BRI3BP: variants seen among roughly 807,000 people sequenced by gnomAD.
BRI3BP encodes the protein BRI3 binding protein.
In BRI3BP, 7 loss-of-function variants were observed where a neutral mutation model predicts 15.8. That is an observed-to-expected ratio of 0.44 (90% CI 0.25 to 0.83). The LOEUF (loss-of-function observed/expected upper bound fraction) is 0.83, where lower values mean the gene tolerates loss of function less well. Ranked by LOEUF, BRI3BP falls within the 40% of genes least tolerant of loss-of-function variation. The probability of loss-of-function intolerance (pLI) is 0.20; values close to 1 mark genes in which losing one functional copy is unlikely to be tolerated. For missense variants in BRI3BP, 320 were observed against 339.3 expected (o/e 0.94, Z 0.45); for synonymous variants, 192 against 163.5 (o/e 1.17, Z -1.33).
At chr12:124,996,601 C>T (rs778489028) in intron 1 of BRI3BP, among the ~76,000 whole-genome samples, 2 of 152,136 alleles carry the variant, frequency 1.3e-5, no homozygotes, top group African/African-American at 2.4e-5. Context: ...GCTGGGATTA[C>T]AGGCGTAAGC....
chr12:125,033,204 CAGAT>C (rs202034947), downstream of BRI3BP, among the ~76,000 whole-genome samples: 1,249 of 152,246 alleles, frequency 8.2e-3, 9 homozygotes, highest in Middle Eastern at 0.034. Context: ...GCTTCCCAAA[CAGAT>C]AGCTGCCTAC....
intron 1 of BRI3BP, among the ~76,000 whole-genome samples, chr12:125,003,380 C>G (rs1253705722): frequency 6.6e-6 from 1 of 152,152 alleles, no homozygotes; most frequent in East Asian, 1.9e-4. Flanking sequence ...CCTTGTTTGT[C>G]TGAGTCCTCA....
chr12:125,047,153 C>T, the BRI3BP span, among the ~76,000 whole-genome samples: 1 of 147,042 alleles, frequency 6.8e-6, no homozygotes, highest in African/African-American at 2.5e-5. Flanking sequence ...TTTCTTTACT[C>T]TTTTTTTTTT....
the BRI3BP span, among the ~76,000 whole-genome samples, chr12:125,039,080 G>A: frequency 0.78 from 118,235 of 152,140 alleles, 46,055 homozygotes; most frequent in South Asian, 0.85. Flanking sequence ...ACAGAGCACA[G>A]TTCCATCTCA....
intron 2 of BRI3BP, among the ~76,000 whole-genome samples, chr12:125,023,555 AGTTGT>A (rs1413493900): frequency 6.6e-6 from 1 of 152,092 alleles, no homozygotes; most frequent in African/African-American, 2.4e-5. Flanking sequence ...AAAAGGTGAA[AGTTGT>A]CTTTTGAGAC....
In BRI3BP at chr12:125,016,825, C is replaced by CTTTTTTTTTTTTTTTTT. The variant is rs58016016; in HGVS notation, c.316+4200_316+4216dup. Among the ~76,000 whole-genome samples, 21 of 39,808 alleles carry CTTTTTTTTTTTTTTTTT rather than the reference C, an allele frequency of 5.3e-4. 3 individuals are homozygous for CTTTTTTTTTTTTTTTTT. The highest frequency in any genetic ancestry group is 2.1e-3 in the South Asian group (1 of 476). The allele number at this position is 39,808 out of a possible 152,430, so 26.1% of individuals were successfully genotyped here. A position where few individuals can be genotyped will look rare whatever the true frequency, so the allele number is the denominator to read the frequency against. The stretch of plus-strand genomic sequence containing the variant: ...ACGGGCATGAGCCACTGCGCCCAGC[C>CTTTTTTTTTTTTTTTTT]TTTTTTTTTTTTTTTTTTTTTTTTT... On this transcript the variant is annotated intron_variant, in intron 2 of 2. Coordinates refer to ENST00000341446, the MANE Select transcript of BRI3BP (RefSeq NM_080626.6).
Position 125,012,537 on chromosome 12 carries a change from T to C in BRI3BP, c.217T>C (p.Leu73=), listed in dbSNP as rs1955205297. Residue 73 remains leucine, a synonymous_variant, in exon 2 of 3, where the codon TTG becomes CTG. Coordinates refer to ENST00000341446, the MANE Select transcript of BRI3BP (RefSeq NM_080626.6). Reference sequence around the variant, plus strand: ...GACCGTTTTCTTGTTTCTGCAGTTCTTGGCCAGGCTGACTGAGAGATTTGT... The same window carrying C: ...GACCGTTTTCTTGTTTCTGCAGTTCCTGGCCAGGCTGACTGAGAGATTTGT... The part of the protein sequence containing the change: ...EDNVRAAQKF[L]ARLTERFVLG... 1 of 1,606,692 alleles carries C rather than the reference T, an allele frequency of 6.2e-7. No individual in the cohort carries two copies. Among genetic ancestry groups the C allele is most frequent in the African/African-American group, 1.3e-5 (1 of 74,880 alleles).
At chr12:125,033,246 G>T (rs73419956), downstream of BRI3BP, among the ~76,000 whole-genome samples, 1,905 of 152,224 alleles carry the variant, frequency 0.013, 36 homozygotes, top group African/African-American at 0.043. Flanking sequence ...GTAGATTTGG[G>T]CTGGGTGTAG....
intron 1 of BRI3BP, among the ~76,000 whole-genome samples, chr12:125,003,406 C>T (rs933333656): frequency 1.3e-5 from 2 of 152,154 alleles, no homozygotes; most frequent in African/African-American, 4.8e-5. Context: ...CCACAGTTTG[C>T]TCACCTGGTC....
the BRI3BP span, among the ~76,000 whole-genome samples, chr12:125,040,830 G>A: frequency 3.4e-5 from 5 of 145,454 alleles, no homozygotes; most frequent in African/African-American, 5.1e-5. Context: ...TCCCAGATTC[G>A]AGTGAGTCTC....
At chr12:125,010,519 C>G (rs4765016) in intron 1 of BRI3BP, among the ~76,000 whole-genome samples, 38,403 of 152,122 alleles carry the variant, frequency 0.25, 4,926 homozygotes, top group Non-Finnish European at 0.27. Flanking sequence ...TGGCTCATGC[C>G]TGTAATCCCA....
intron 1 of BRI3BP, among the ~76,000 whole-genome samples, chr12:125,007,712 CCT>C (rs755099262): frequency 6.9e-4 from 104 of 150,572 alleles, no homozygotes; most frequent in Non-Finnish European, 1.3e-3. Context: ...AGAGCAAGAC[CCT>C]GTCTCCAAAA....
chr12:124,995,095 A>G (rs1955029458), intron 1 of BRI3BP, among the ~76,000 whole-genome samples: 1 of 152,206 alleles, frequency 6.6e-6, no homozygotes, highest in African/African-American at 2.4e-5. Context: ...CCGAAATCAG[A>G]TTGACTGCAT....
Position 124,993,769 on chromosome 12 carries a change from C to T in BRI3BP, c.-22C>T, listed in dbSNP as rs1178656378. 9.7e-5 allele frequency: 98 copies of T among 1,005,840 alleles called. No homozygotes were observed. Among genetic ancestry groups the T allele is most frequent in the Non-Finnish European group, 1.1e-4 (97 of 845,854 alleles). 62.3% of individuals were successfully genotyped at this position (1,005,840 alleles called of 1,614,324 possible). ...GCACGGCCCTCACCCCGCATCGCGA[C>T]CCCGCGCCCCGCCGGCCGAGCATGG... On this transcript the variant is annotated 5_prime_UTR_variant, in exon 1 of 3. Coordinates refer to ENST00000341446, the MANE Select transcript of BRI3BP (RefSeq NM_080626.6).
intron 1 of BRI3BP, among the ~76,000 whole-genome samples, chr12:125,003,544 T>C (rs1013908547): frequency 1.3e-5 from 2 of 152,192 alleles, no homozygotes; most frequent in Non-Finnish European, 2.9e-5. Flanking sequence ...CTTCTTTCCT[T>C]CCTAAATTTT....
chr12:125,019,554 T>C (rs1245217781), intron 2 of BRI3BP, among the ~76,000 whole-genome samples: 1 of 151,890 alleles, frequency 6.6e-6, no homozygotes, highest in Non-Finnish European at 1.5e-5. Flanking sequence ...AATACTTCCA[T>C]ATATATTGAT....
the BRI3BP span, among the ~76,000 whole-genome samples, chr12:125,045,841 G>A: frequency 6.6e-6 from 1 of 152,082 alleles, no homozygotes; most frequent in Admixed American, 6.6e-5. Context: ...TCTGTTTAAG[G>A]GTTGGTTGAA....
At chr12:125,006,569 C>T (rs1955145995) in intron 1 of BRI3BP, among the ~76,000 whole-genome samples, 1 of 152,212 alleles carries the variant, frequency 6.6e-6, no homozygotes, top group African/African-American at 2.4e-5. Context: ...GGTGACTGCT[C>T]AGCTTGCAGG....
At chr12:125,048,877 A>G in the BRI3BP span, among the ~76,000 whole-genome samples, 1 of 152,108 alleles carries the variant, frequency 6.6e-6, no homozygotes, top group African/African-American at 2.4e-5. Context: ...CTCACCCCAT[A>G]GCCAAGTAGA....
Sources: allele counts gnomAD v4.1 joint callset (sites outside exome capture counted in the v4.1 genomes callset), GRCh38; gene constraint gnomAD v4.1.1; transcripts MANE v1.5; gene names NCBI Gene and HGNC (gene_info 2026-07-23, HGNC 2026-07-21).